UTRN: variants seen among roughly 807,000 people sequenced by gnomAD.
UTRN encodes the protein dystrophin-related protein 1.
In UTRN, 283 loss-of-function variants were observed where a neutral mutation model predicts 463.9. The ratio of observed to expected loss-of-function variants is 0.61; its 90% CI spans 0.55 to 0.67. The LOEUF (loss-of-function observed/expected upper bound fraction) is 0.67, where lower values mean the gene tolerates loss of function less well. UTRN is among the 30% of genes least tolerant of loss of function. The probability of loss-of-function intolerance (pLI) is 0.00; values close to 1 mark genes in which losing one functional copy is unlikely to be tolerated. For missense variants in UTRN, 3,922 were observed against 4,084.3 expected (o/e 0.96, Z 1.08); for synonymous variants, 1,442 against 1,431.5 (o/e 1.01, Z -0.17).
chr6:144,815,866 A>G (rs1007852682), intron 65 of UTRN, among the ~76,000 whole-genome samples: 1 of 152,242 alleles, frequency 6.6e-6, no homozygotes, highest in African/African-American at 2.4e-5. Context: ...TCAAGTTGAC[A>G]GTATTAACCA....
chr6:144,469,526 C>T (rs907528943), intron 23 of UTRN, among the ~76,000 whole-genome samples: 1 of 152,122 alleles, frequency 6.6e-6, no homozygotes, highest in Non-Finnish European at 1.5e-5. Flanking sequence ...GTAGTCAGAC[C>T]TCAGCATTTC....
intron 69 of UTRN, among the ~76,000 whole-genome samples, chr6:144,832,117 G>A (rs1244196224): frequency 1.3e-5 from 2 of 152,094 alleles, no homozygotes; most frequent in East Asian, 1.9e-4. Context: ...CAAGACATAC[G>A]ATTGATGTTT....
chr6:144,492,949 T>A (rs77900173), intron 32 of UTRN, among the ~76,000 whole-genome samples: 2,130 of 152,362 alleles, frequency 0.014, 58 homozygotes, highest in African/African-American at 0.048. Context: ...CAAGATTTTT[T>A]AAAAATGTAA....
intron 3 of UTRN, among the ~76,000 whole-genome samples, chr6:144,412,801 G>A (rs1356405448): frequency 6.7e-6 from 1 of 149,686 alleles, no homozygotes; most frequent in Non-Finnish European, 1.5e-5. Flanking sequence ...AGTAAACAAT[G>A]GGACTGGTAA....
chr6:144,321,461 CTTTTTTT>C (rs529134208), intron 2 of UTRN, among the ~76,000 whole-genome samples: 1 of 100,444 alleles, frequency 1.0e-5, no homozygotes. Context: ...TGTGCCATAT[CTTTTTTT>C]TTTTTTTTTT....
intron 52 of UTRN, among the ~76,000 whole-genome samples, chr6:144,689,436 C>T (rs1333879970): frequency 6.6e-6 from 1 of 152,228 alleles, no homozygotes; most frequent in Non-Finnish European, 1.5e-5. Flanking sequence ...GTCTGGGAGT[C>T]AAGGCCTGCT....
intron 43 of UTRN, among the ~76,000 whole-genome samples, chr6:144,533,944 T>C (rs1797305712): frequency 6.6e-6 from 1 of 152,114 alleles, no homozygotes; most frequent in African/African-American, 2.4e-5. Flanking sequence ...CCGTCATTAA[T>C]GATCTTTTTT....
intron 41 of UTRN, among the ~76,000 whole-genome samples, chr6:144,523,454 C>T (rs372341572): frequency 1.9e-4 from 29 of 152,200 alleles, no homozygotes; most frequent in South Asian, 1.2e-3. Context: ...GGATTACAGG[C>T]GCACACCACC....
chr6:144,562,942 C>A (rs914258306), intron 50 of UTRN, among the ~76,000 whole-genome samples: 1 of 152,186 alleles, frequency 6.6e-6, no homozygotes, highest in Non-Finnish European at 1.5e-5. Context: ...ATCTGCATTT[C>A]TCTAATGCTC....
At position 144,748,478 on chromosome 6, in the gene UTRN, C is replaced by A; in HGVS notation, c.8172C>A (p.Leu2724=). ...GCTGGAAGCCCGTGGGAGACTTACT[C>A]ATTGACTCGCTGCAGGATCACATTG... is the stretch of plus-strand genomic sequence containing the variant. The part of the protein sequence containing the change: ...RNGWKPVGDL[L]IDSLQDHIEK... Residue 2724 remains leucine, a synonymous_variant, in exon 55 of 75, where the codon CTC becomes CTA. Coordinates refer to ENST00000367545, the MANE Select transcript of UTRN (RefSeq NM_007124.3). The A allele has an allele frequency of 6.2e-7, 1 of 1,613,918 alleles. No individual in the cohort carries two copies.
At chr6:144,495,330 G>C (rs531168870) in intron 33 of UTRN, among the ~76,000 whole-genome samples, 1 of 152,342 alleles carries the variant, frequency 6.6e-6, no homozygotes, top group African/African-American at 2.4e-5. Context: ...GAAATTGAGC[G>C]CAGCGCCGGT....
At chr6:144,576,660 AT>A (rs1392909312) in intron 50 of UTRN, among the ~76,000 whole-genome samples, 1 of 152,124 alleles carries the variant, frequency 6.6e-6, no homozygotes, top group Non-Finnish European at 1.5e-5. Context: ...ACAAAAGGTA[AT>A]TGTATTGACT....
At chr6:144,717,634 C>CTTTTTTTTT (rs869170852) in intron 53 of UTRN, among the ~76,000 whole-genome samples, 16 of 70,124 alleles carry the variant, frequency 2.3e-4, no homozygotes, top group South Asian at 5.7e-4. Context: ...TTTCTTTTTT[C>CTTTTTTTTT]TTTTTTTTTT....
At chr6:144,643,553 T>C (rs1382050936) in intron 51 of UTRN, among the ~76,000 whole-genome samples, 1 of 152,134 alleles carries the variant, frequency 6.6e-6, no homozygotes, top group Non-Finnish European at 1.5e-5. Context: ...TCCCAGCACT[T>C]TGGGAGGCTG....
intron 23 of UTRN, among the ~76,000 whole-genome samples, chr6:144,471,449 A>C (rs990330070): frequency 1.3e-5 from 2 of 152,214 alleles, no homozygotes; most frequent in African/African-American, 2.4e-5. Flanking sequence ...GCATTCTTTA[A>C]AAGTGCAGAA....
At chr6:144,448,004 T>C (rs897916170) in intron 16 of UTRN, among the ~76,000 whole-genome samples, 8 of 152,190 alleles carry the variant, frequency 5.3e-5, no homozygotes, top group African/African-American at 1.9e-4. Context: ...ACTTAGCCAA[T>C]AAATAATCTT....
At chr6:144,476,277 G>C (rs1173714141) in intron 25 of UTRN, among the ~76,000 whole-genome samples, 1 of 151,622 alleles carries the variant, frequency 6.6e-6, no homozygotes, top group East Asian at 2.0e-4. Context: ...CATGTGAATA[G>C]TTTGCTCTGG....
At chr6:144,447,543 G>A (rs1410519688) in intron 15 of UTRN, 59 bp from the exon 16 acceptor site, 1 of 1,580,748 alleles carries the variant, frequency 6.3e-7, no homozygotes, top group African/African-American at 1.4e-5. Flanking sequence ...TTTTGGCTGG[G>A]GAACAGAAAG....
intron 49 of UTRN, among the ~76,000 whole-genome samples, chr6:144,555,414 A>G (rs1195684540): frequency 6.6e-6 from 1 of 152,162 alleles, no homozygotes; most frequent in Non-Finnish European, 1.5e-5. Flanking sequence ...AGAGAGAGAT[A>G]GAAGGGAGAA....
Sources: allele counts gnomAD v4.1 joint callset (sites outside exome capture counted in the v4.1 genomes callset), GRCh38; gene constraint gnomAD v4.1.1; transcripts MANE v1.5; gene names NCBI Gene and HGNC (gene_info 2026-07-23, HGNC 2026-07-21).